Variants in RUVBL1 observed in about 807,000 individuals in gnomAD.
RUVBL1 encodes RuvB like AAA ATPase 1, also known as ruvB-like 1.
In RUVBL1, 4 loss-of-function variants were observed where a neutral mutation model predicts 52.4. That is an observed-to-expected ratio of 0.08 (90% CI 0.04 to 0.17). The LOEUF (loss-of-function observed/expected upper bound fraction) is 0.17, where lower values mean the gene tolerates loss of function less well. Among genes scored for constraint, RUVBL1 ranks in the 10% least tolerant of loss-of-function variants. The probability of loss-of-function intolerance (pLI) is 1.00; values close to 1 mark genes in which losing one functional copy is unlikely to be tolerated. For missense variants in RUVBL1, 298 were observed against 572.8 expected, an observed-to-expected ratio of 0.52 and a Z score of 4.90; for synonymous variants, 217 against 214.4, an observed-to-expected ratio of 1.01 and a Z score of -0.10.
At chr3:128,130,616 T>C (rs1943861674) in intron 1 of RUVBL1, among the ~76,000 whole-genome samples, 1 of 39,774 alleles carries the variant, frequency 2.5e-5, no homozygotes, top group Non-Finnish European at 5.0e-5. Flanking sequence ...AAAAAAAAAT[T>C]TTATTTATTT....
chr3:128,120,447 T>C (rs1276547135), intron 1 of RUVBL1, among the ~76,000 whole-genome samples: 2 of 152,192 alleles, frequency 1.3e-5, no homozygotes, highest in African/African-American at 4.8e-5. Flanking sequence ...TGTGTGTATA[T>C]ATACACACAC....
chr3:128,138,569 A>G (rs1365490112), intron 1 of RUVBL1, among the ~76,000 whole-genome samples: 1 of 152,154 alleles, frequency 6.6e-6, no homozygotes, highest in Non-Finnish European at 1.5e-5. Context: ...AAAAAATGAA[A>G]GATAGTCCAT....
downstream of RUVBL1, among the ~76,000 whole-genome samples, chr3:128,077,258 C>T (rs537608891): frequency 2.6e-4 from 39 of 152,196 alleles, no homozygotes; most frequent in Admixed American, 4.6e-4. Context: ...GGCCGGCCCA[C>T]CCCTTCACAG....
At chr3:128,144,761 T>A (rs960451632) in intron 1 of RUVBL1, among the ~76,000 whole-genome samples, 6 of 152,180 alleles carry the variant, frequency 3.9e-5, no homozygotes, top group African/African-American at 1.4e-4. Context: ...ACAGAGACAG[T>A]AGACTATAGG....
At chr3:128,123,488 G>A (rs1259324384) in intron 1 of RUVBL1, 96 bp downstream of exon 1, 1 of 1,312,780 alleles carries the variant, frequency 7.6e-7, no homozygotes, top group African/African-American at 1.5e-5. Context: ...GGAGACCCCT[G>A]GCGCGCGCAT....
Position 128,081,143 on chromosome 3 carries a change from A to G in RUVBL1, c.*107T>C. The G allele has an allele frequency of 8.8e-7, 1 of 1,140,016 alleles. No individual in the cohort carries two copies. The allele number at this position is 1,140,016 out of a possible 1,614,324, so 70.6% of individuals were successfully genotyped here. On this transcript the variant is annotated 3_prime_UTR_variant, in exon 11 of 11. Transcript: ENST00000322623. The surrounding 1 kb of genome is among the most constrained non-coding windows in gnomAD (Gnocchi z 4.8). ...CACTGAACTGACAGCGCTGCAGACC[A>G]CGCCTGAGTGGGGACGGCAGCCCCA... is the stretch of plus-strand genomic sequence containing the variant.
intron 1 of RUVBL1, among the ~76,000 whole-genome samples, chr3:128,147,390 C>T (rs1944121611): frequency 6.6e-6 from 1 of 152,066 alleles, no homozygotes; most frequent in South Asian, 2.1e-4. Context: ...AAATTAAAAA[C>T]AAAACAAAAC....
intron 9 of RUVBL1, among the ~76,000 whole-genome samples, chr3:128,074,842 C>CAAAAAAA (rs386397876): frequency 0.056 from 4,065 of 72,606 alleles, 207 homozygotes; most frequent in Non-Finnish European, 0.086. Context: ...AACTCCGTCT[C>CAAAAAAA]AAAAAAAAAA....
intron 2 of RUVBL1, 130 bp downstream of exon 2, chr3:128,119,198 A>G: frequency 1.7e-6 from 1 of 591,282 alleles, no homozygotes; most frequent in Admixed American, 3.3e-5. Flanking sequence ...GTATTATTGC[A>G]TATTAATTTT....
chr3:128,078,626 A>C (rs565088401), downstream of RUVBL1: 1 of 151,974 alleles, frequency 6.6e-6, no homozygotes, highest in African/African-American at 2.4e-5. Flanking sequence ...CTTTAATATT[A>C]CAACAATTTT....
intron 4 of RUVBL1, among the ~76,000 whole-genome samples, 174 bp from the exon 5 acceptor site, chr3:128,101,822 C>T (rs1480586100): frequency 1.3e-5 from 2 of 152,162 alleles, no homozygotes; most frequent in African/African-American, 4.8e-5. Flanking sequence ...AAGTACCACA[C>T]AACAGACTGG....
chr3:128,087,417 A>G (rs1404380139), intron 9 of RUVBL1, among the ~76,000 whole-genome samples: 3 of 152,214 alleles, frequency 2.0e-5, no homozygotes, highest in Non-Finnish European at 2.9e-5. Context: ...TGATTTTTTC[A>G]CTATCCTTTT....
At chr3:128,084,275 G>A (rs894722461) in intron 9 of RUVBL1, 1 of 152,298 alleles carries the variant, frequency 6.6e-6, no homozygotes, top group African/African-American at 2.4e-5. Context: ...GCTAAATGCA[G>A]CTGGGCAAAA....
At chr3:128,143,000 C>G (rs910466419) in intron 1 of RUVBL1, among the ~76,000 whole-genome samples, 1 of 151,912 alleles carries the variant, frequency 6.6e-6, no homozygotes, top group Non-Finnish European at 1.5e-5. Flanking sequence ...AGGCTGGTCT[C>G]GAACTCCTGA....
chr3:128,100,292 C>T (rs1357281894), intron 6 of RUVBL1, among the ~76,000 whole-genome samples: 1 of 152,174 alleles, frequency 6.6e-6, no homozygotes, highest in East Asian at 1.9e-4. Context: ...GCCATTAACA[C>T]CCAGAAAATC....
chr3:128,119,122 C>T (rs1318388086), intron 2 of RUVBL1, among the ~76,000 whole-genome samples: 2 of 152,162 alleles, frequency 1.3e-5, no homozygotes, highest in Non-Finnish European at 2.9e-5. Flanking sequence ...GGACTTCATT[C>T]TTTCTTCTCT....
chr3:128,065,210 A>G, exon 10 of RUVBL1: 1 of 764,004 alleles, frequency 1.3e-6, no homozygotes, highest in Non-Finnish European at 2.3e-6. Flanking sequence ...ATGTTCATTG[A>G]GTCATGGGAC....
chr3:128,123,752 C>G lies in RUVBL1; in HGVS notation c.-28G>C. 4.4e-6 allele frequency: 7 copies of G among 1,583,216 alleles called. No individual in the cohort carries two copies. The highest frequency in any genetic ancestry group is 6.0e-6 in the Non-Finnish European group (7 of 1,159,742). ...TGCAGACGCCGGGAGCTAAAACCAG[C>G]GTGGAAAACCAGCAGCTAGGACAGT... On this transcript the variant is annotated 5_prime_UTR_variant, in exon 1 of 11. Transcript: ENST00000322623.
chr3:128,092,534 G>A (rs1291673615), intron 8 of RUVBL1, among the ~76,000 whole-genome samples: 1 of 151,844 alleles, frequency 6.6e-6, no homozygotes, highest in Non-Finnish European at 1.5e-5. Flanking sequence ...AATAAAAAAT[G>A]GGCAAAGGAT....
Sources: allele counts gnomAD v4.1 joint callset (sites outside exome capture counted in the v4.1 genomes callset), GRCh38; gene constraint gnomAD v4.1.1; non-coding constraint Gnocchi (gnomAD v3.1); transcripts MANE v1.5; gene names NCBI Gene and HGNC (gene_info 2026-07-23, HGNC 2026-07-21).